The following RGPD2 variants were observed in gnomAD, a reference collection of about 807,000 sequenced individuals.
The protein encoded by RGPD2 is RANBP2-like and GRIP domain-containing protein 2.
A neutral mutation model predicts 36.0 loss-of-function variants in RGPD2; 2 were observed. The observed-to-expected ratio is 0.06, with a 90% CI of 0.02 to 0.17. RGPD2 has a LOEUF of 0.17. Among genes scored for constraint, RGPD2 ranks in the 10% least tolerant of loss-of-function variants. The pLI, the probability that RGPD2 is intolerant of heterozygous loss-of-function variation, is 1.00. For synonymous variants in RGPD2, 19 were observed against 163.8 expected (o/e 0.12, Z 6.75); for missense variants, 40 against 464.3 (o/e 0.09, Z 8.40).
the RGPD2 span, among the ~76,000 whole-genome samples, chr2:87,956,416 CGT>C: frequency 2.0e-5 from 3 of 150,238 alleles, no homozygotes; most frequent in African/African-American, 7.3e-5. Flanking sequence ...TATATATGTA[CGT>C]GTGTGTGCAC....
At chr2:87,863,204 G>GT in the RGPD2 span, among the ~76,000 whole-genome samples, 1 of 144,534 alleles carries the variant, frequency 6.9e-6, no homozygotes, top group Non-Finnish European at 1.5e-5. Context: ...AACAATGATT[G>GT]TATCAAACTG....
At chr2:87,882,089 C>G in the RGPD2 span, among the ~76,000 whole-genome samples, 1 of 152,256 alleles carries the variant, frequency 6.6e-6, no homozygotes, top group Non-Finnish European at 1.5e-5. Flanking sequence ...GATCTATCTC[C>G]ATGACATAAA....
chr2:87,857,349 C>CT, the RGPD2 span, among the ~76,000 whole-genome samples: 53 of 147,802 alleles, frequency 3.6e-4, no homozygotes, highest in East Asian at 2.0e-3. Context: ...TATTTGTATA[C>CT]TTTTTTTTTT....
chr2:87,837,192 A>G, the RGPD2 span, among the ~76,000 whole-genome samples: 7 of 150,212 alleles, frequency 4.7e-5, no homozygotes, highest in South Asian at 1.5e-3. Flanking sequence ...TAACAAAGAC[A>G]TTCAGGACCC....
At chr2:87,857,790 A>C in the RGPD2 span, among the ~76,000 whole-genome samples, 4 of 151,028 alleles carry the variant, frequency 2.6e-5, no homozygotes, top group Non-Finnish European at 4.4e-5. Flanking sequence ...AAAAAAAAAA[A>C]AAAAAAATTA....
the RGPD2 span, among the ~76,000 whole-genome samples, chr2:87,875,254 G>A: frequency 6.6e-6 from 1 of 152,118 alleles, no homozygotes; most frequent in East Asian, 1.9e-4. Context: ...AATAAGAATG[G>A]TAAGAGAGGG....
the RGPD2 span, among the ~76,000 whole-genome samples, chr2:87,884,357 A>T: frequency 6.6e-6 from 1 of 152,042 alleles, no homozygotes; most frequent in African/African-American, 2.4e-5. Context: ...GACAGCTCTC[A>T]GATAAAGAGC....
At chr2:87,972,760 C>G in the RGPD2 span, 3 of 1,600,442 alleles carry the variant, frequency 1.9e-6, no homozygotes, top group Non-Finnish European at 2.5e-6. Context: ...ACAACCAGCC[C>G]TACCTCTGTG....
the RGPD2 span, among the ~76,000 whole-genome samples, chr2:87,936,243 T>G: frequency 1.3e-5 from 2 of 151,692 alleles, no homozygotes; most frequent in East Asian, 3.9e-4. Flanking sequence ...CATATGAATG[T>G]TAAAATCGCT....
chr2:87,871,758 G>A, the RGPD2 span, among the ~76,000 whole-genome samples: 7 of 150,544 alleles, frequency 4.6e-5, no homozygotes, highest in African/African-American at 9.7e-5. Context: ...CCAGCTACTC[G>A]GGAGGCTGAG....
chr2:87,790,576 GACTAGT>G (rs1443676410), intron 17 of RGPD2, among the ~76,000 whole-genome samples: 1 of 103,976 alleles, frequency 9.6e-6, no homozygotes, highest in Non-Finnish European at 2.1e-5. Flanking sequence ...CAAGCTCATG[GACTAGT>G]GCTCCACTAT....
At chr2:87,985,030 AT>A in the RGPD2 span, among the ~76,000 whole-genome samples, 1 of 145,164 alleles carries the variant, frequency 6.9e-6, no homozygotes. Context: ...GTCTAGAGTG[AT>A]TTTTTTTCAG....
chr2:87,971,566 T>C, the RGPD2 span, among the ~76,000 whole-genome samples: 1 of 144,636 alleles, frequency 6.9e-6, no homozygotes, highest in Non-Finnish European at 1.5e-5. Context: ...ATATTGAGTA[T>C]CATGAGGGTT....
the RGPD2 span, among the ~76,000 whole-genome samples, chr2:87,973,657 G>A: frequency 0.17 from 21,439 of 129,552 alleles, 1,182 homozygotes; most frequent in Non-Finnish European, 0.23. Flanking sequence ...GACATACACA[G>A]GAGCCTTTGA....
the RGPD2 span, among the ~76,000 whole-genome samples, chr2:87,966,102 C>T: frequency 1.4e-5 from 2 of 147,702 alleles, no homozygotes; most frequent in Non-Finnish European, 3.0e-5. Context: ...TGAGATCTGA[C>T]CTCCTGGTCA....
chr2:87,983,948 T>C, the RGPD2 span, among the ~76,000 whole-genome samples: 1 of 152,218 alleles, frequency 6.6e-6, no homozygotes, highest in African/African-American at 2.4e-5. Flanking sequence ...TATAAGCCTA[T>C]GGCCTTTACT....
At chr2:87,772,847 C>T (rs889739985) in intron 21 of RGPD2, among the ~76,000 whole-genome samples, 2 of 151,054 alleles carry the variant, frequency 1.3e-5, no homozygotes, top group South Asian at 2.1e-4. Flanking sequence ...GGAGAGGATG[C>T]ATCCTGTGTA....
chr2:87,958,503 A>G, the RGPD2 span, among the ~76,000 whole-genome samples: 3 of 152,288 alleles, frequency 2.0e-5, no homozygotes, highest in African/African-American at 7.2e-5. Flanking sequence ...TTAAAGGTTA[A>G]ACATTTCTAT....
chr2:87,968,668 T>C, the RGPD2 span: 352 of 203,324 alleles, frequency 1.7e-3, 1 homozygote, highest in Non-Finnish European at 2.9e-3. Context: ...ACCAGCCGAA[T>C]AGGACATGTC....
Sources: gnomAD v4.1 joint callset for allele counts (sites outside exome capture counted in the v4.1 genomes callset) on GRCh38, gnomAD v4.1.1 for gene constraint, MANE v1.5 for transcripts, NCBI Gene and HGNC (gene_info 2026-07-23, HGNC 2026-07-21) for gene names.